NRG1: variants seen among roughly 807,000 people sequenced by gnomAD.
The protein encoded by NRG1 is pro-neuregulin-1, membrane-bound isoform.
A neutral mutation model predicts 63.8 loss-of-function variants in NRG1; 18 were observed. The ratio of observed to expected loss-of-function variants is 0.28; its 90% CI spans 0.19 to 0.42. The LOEUF is 0.42. Ranked by LOEUF, NRG1 falls within the 10% of genes least tolerant of loss-of-function variation. The pLI is 1.00. For synonymous variants in NRG1, 302 were observed against 301.3 expected (o/e 1.00, Z -0.02); for missense variants, 762 against 814.7 (o/e 0.94, Z 0.79).
chr8:32,289,419 G>T (rs1484545762), intron 1 of NRG1, among the ~76,000 whole-genome samples: 1 of 151,272 alleles, frequency 6.6e-6, no homozygotes, highest in African/African-American at 2.5e-5. Context: ...GACAAATGAG[G>T]GCAGTGTTAA....
chr8:32,076,490 GTTGT>G (rs1025052536), intron 1 of NRG1, among the ~76,000 whole-genome samples: 10 of 152,060 alleles, frequency 6.6e-5, no homozygotes, highest in African/African-American at 2.4e-4. Flanking sequence ...GTATTCATTT[GTTGT>G]TTGTTTGTTT....
chr8:32,721,780 G>A (rs760753911), intron 5 of NRG1: 2 of 1,208,436 alleles, frequency 1.7e-6, no homozygotes, highest in Non-Finnish European at 1.1e-6. Flanking sequence ...GAAAACTAAT[G>A]ACTCCACCTA....
intron 1 of NRG1, among the ~76,000 whole-genome samples, chr8:32,190,687 G>T (rs1020204981): frequency 4.6e-5 from 7 of 152,126 alleles, no homozygotes; most frequent in African/African-American, 1.4e-4. Context: ...GTGGATACCA[G>T]AACTGTGATT....
At chr8:32,553,027 C>T (rs1834444089) in intron 1 of NRG1, among the ~76,000 whole-genome samples, 1 of 152,128 alleles carries the variant, frequency 6.6e-6, no homozygotes, top group South Asian at 2.1e-4. Flanking sequence ...AAGAAAATTC[C>T]TTGCTATTAG....
intron 1 of NRG1, among the ~76,000 whole-genome samples, chr8:32,422,653 A>G (rs895685860): frequency 1.3e-5 from 2 of 152,238 alleles, no homozygotes; most frequent in Non-Finnish European, 2.9e-5. Flanking sequence ...GTCATATGAG[A>G]TTACTTTCTG....
intron 5 of NRG1, among the ~76,000 whole-genome samples, chr8:32,682,382 G>C (rs1200220943): frequency 6.6e-6 from 1 of 152,070 alleles, no homozygotes; most frequent in Non-Finnish European, 1.5e-5. Context: ...CACAATACAG[G>C]TTTGTGGTTT....
intron 1 of NRG1, among the ~76,000 whole-genome samples, chr8:31,931,330 A>G (rs1471613672): frequency 6.6e-6 from 1 of 152,098 alleles, no homozygotes; most frequent in Non-Finnish European, 1.5e-5. Flanking sequence ...AAGAGGAACT[A>G]AAAAAAGGCT....
chr8:31,801,022 T>C (rs1237814013), intron 1 of NRG1, among the ~76,000 whole-genome samples: 1 of 151,320 alleles, frequency 6.6e-6, no homozygotes, highest in East Asian at 2.0e-4. Flanking sequence ...TTGTATTTTT[T>C]TTTTTTAGTA....
At chr8:32,483,800 C>T (rs1436455453) in intron 1 of NRG1, among the ~76,000 whole-genome samples, 5 of 152,158 alleles carry the variant, frequency 3.3e-5, no homozygotes, top group Middle Eastern at 3.4e-3. Context: ...TGTCCACCGA[C>T]GTTAGAAAGT....
intron 1 of NRG1, among the ~76,000 whole-genome samples, chr8:32,089,917 T>C (rs1828852680): frequency 6.6e-6 from 1 of 152,234 alleles, no homozygotes; most frequent in Non-Finnish European, 1.5e-5. Context: ...CCAAGTAATG[T>C]CATTCTGTTT....
At chr8:32,393,728 A>AC (rs34431175) in intron 1 of NRG1, among the ~76,000 whole-genome samples, 74,864 of 151,708 alleles carry the variant, frequency 0.49, 18,980 homozygotes, top group African/African-American at 0.54. Context: ...ACTGGGGCCT[A>AC]TTGAGGGTGG....
chr8:31,763,484 G>A (rs1483813324), intron 1 of NRG1, among the ~76,000 whole-genome samples: 1 of 152,174 alleles, frequency 6.6e-6, no homozygotes, highest in Non-Finnish European at 1.5e-5. Flanking sequence ...TCTCTGTTTA[G>A]CTTCCCCCTT....
At chr8:32,486,947 C>T (rs1825975600) in intron 1 of NRG1, among the ~76,000 whole-genome samples, 1 of 152,082 alleles carries the variant, frequency 6.6e-6, no homozygotes, top group Non-Finnish European at 1.5e-5. Flanking sequence ...AACTTAATGC[C>T]AACTCTCAAT....
rs575029396 is a variant in NRG1, at chr8:32,014,721, C to A, written c.37+375290C>A. 2.0e-5 allele frequency among the ~76,000 whole-genome samples: 3 copies of A among 150,920 alleles called. No homozygotes were observed. The South Asian group carries it at 6.3e-4, about 32-fold the overall frequency. On this transcript the variant is annotated intron_variant, in intron 1 of 10. Transcript: ENST00000519301. ...TTGAATTTTGAGCCCCCCAACCCCC[C>A]CCCAAAAAAGATGTTGAAGTCTTAA...
chr8:31,677,208 T>C (rs1202229275), intron 1 of NRG1, among the ~76,000 whole-genome samples: 1 of 152,188 alleles, frequency 6.6e-6, no homozygotes, highest in Non-Finnish European at 1.5e-5. Flanking sequence ...GGACATCGCT[T>C]TTGATAATAA....
intron 1 of NRG1, among the ~76,000 whole-genome samples, chr8:31,846,516 T>G (rs1199879241): frequency 6.6e-6 from 1 of 152,224 alleles, no homozygotes; most frequent in Non-Finnish European, 1.5e-5. Flanking sequence ...TAAGGACTAA[T>G]GTGTGCAAAA....
intron 1 of NRG1, among the ~76,000 whole-genome samples, chr8:32,282,336 C>G (rs1180720039): frequency 6.6e-6 from 1 of 152,202 alleles, no homozygotes; most frequent in East Asian, 1.9e-4. Context: ...AAGGGTATAT[C>G]ATTTCCCTCT....
At chr8:31,959,782 AT>A (rs1307561914) in intron 1 of NRG1, among the ~76,000 whole-genome samples, 1,426 of 120,002 alleles carry the variant, frequency 0.012, 22 homozygotes, top group African/African-American at 0.048. Context: ...ACCACCGATT[AT>A]TTATTTATTT....
intron 5 of NRG1, among the ~76,000 whole-genome samples, chr8:32,687,624 T>C (rs372835493): frequency 6.6e-6 from 1 of 152,228 alleles, no homozygotes; most frequent in African/African-American, 2.4e-5. Context: ...ATGATCTGAA[T>C]TCACATAGGA....
Sources: allele counts gnomAD v4.1 joint callset (sites outside exome capture counted in the v4.1 genomes callset), GRCh38; gene constraint gnomAD v4.1.1; transcripts MANE v1.5; gene names NCBI Gene and HGNC (gene_info 2026-07-23, HGNC 2026-07-21).